MAST4: variants seen among roughly 807,000 people sequenced by gnomAD.
MAST4 encodes the protein microtubule-associated serine/threonine-protein kinase 4.
In MAST4, 89 loss-of-function variants were observed where a neutral mutation model predicts 162.7. That is an observed-to-expected ratio of 0.55 (90% CI 0.46 to 0.65). The LOEUF (loss-of-function observed/expected upper bound fraction) is 0.65, where lower values mean the gene tolerates loss of function less well. MAST4 is among the 30% of genes least tolerant of loss of function. The probability of loss-of-function intolerance (pLI) is 0.00; values close to 1 mark genes in which losing one functional copy is unlikely to be tolerated. For synonymous variants in MAST4, 1,479 were observed against 1,361.1 expected, an observed-to-expected ratio of 1.09 and a Z score of -1.91; for missense variants, 3,153 against 3,374.0, an observed-to-expected ratio of 0.93 and a Z score of 1.62.
intron 4 of MAST4, among the ~76,000 whole-genome samples, chr5:66,906,266 TATC>T (rs1342627333): frequency 6.6e-6 from 1 of 152,222 alleles, no homozygotes; most frequent in African/African-American, 2.4e-5. Context: ...CCTCTCTTCT[TATC>T]ATGGCCTGAA....
At chr5:67,104,685 G>C in intron 10 of MAST4, 110 bp downstream of exon 10, 12 of 508,592 alleles carry the variant, frequency 2.4e-5, no homozygotes, top group South Asian at 4.3e-5. Flanking sequence ...TTCCAGAGAA[G>C]CAAAAAAGAA....
intron 4 of MAST4, among the ~76,000 whole-genome samples, chr5:67,014,961 A>G (rs532382803): frequency 9.8e-5 from 15 of 152,286 alleles, no homozygotes; most frequent in African/African-American, 3.6e-4. Context: ...GGTCAAAGAG[A>G]ACAGATACTG....
chr5:66,820,478 A>G (rs192258144), intron 3 of MAST4, among the ~76,000 whole-genome samples: 66 of 152,336 alleles, frequency 4.3e-4, no homozygotes, highest in African/African-American at 1.4e-3. Context: ...TTTGCTAAAT[A>G]TTAGTTCATG....
At chr5:66,938,200 T>C (rs1580941356) in intron 4 of MAST4, among the ~76,000 whole-genome samples, 1 of 152,186 alleles carries the variant, frequency 6.6e-6, no homozygotes, top group Non-Finnish European at 1.5e-5. Flanking sequence ...TACATAATGA[T>C]TATGGTAGAT....
chr5:66,695,811 A>G (rs1484257259), intron 1 of MAST4, among the ~76,000 whole-genome samples: 1 of 152,230 alleles, frequency 6.6e-6, no homozygotes, highest in Non-Finnish European at 1.5e-5. Flanking sequence ...TCGAAGACCT[A>G]GAACCAGAAA....
At chr5:66,633,807 G>A (rs1744933905) in intron 1 of MAST4, among the ~76,000 whole-genome samples, 1 of 152,144 alleles carries the variant, frequency 6.6e-6, no homozygotes, top group South Asian at 2.1e-4. Context: ...TGCTGGACCA[G>A]TTCAGCCTAC....
intron 1 of MAST4, among the ~76,000 whole-genome samples, chr5:66,702,585 C>G (rs531838049): frequency 6.6e-6 from 1 of 152,186 alleles, no homozygotes; most frequent in Non-Finnish European, 1.5e-5. Flanking sequence ...AGACAGCCAA[C>G]TTTTAAGGGA....
intron 1 of MAST4, among the ~76,000 whole-genome samples, chr5:66,655,550 G>T (rs4613647): frequency 0.069 from 10,507 of 152,168 alleles, 424 homozygotes; most frequent in Admixed American, 0.11. Context: ...AGTTTCTTTG[G>T]CAGGAAACCA....
intron 21 of MAST4, among the ~76,000 whole-genome samples, 188 bp from the exon 22 acceptor site, chr5:67,144,480 AC>A (rs1770807776): frequency 1.6e-5 from 2 of 124,060 alleles, no homozygotes; most frequent in Non-Finnish European, 3.7e-5. Flanking sequence ...ACACACACAC[AC>A]ACACACTCAC....
intron 4 of MAST4, among the ~76,000 whole-genome samples, chr5:66,909,157 CCATGAAGAGGTGTGAA>C (rs1763577283): frequency 6.6e-6 from 1 of 152,130 alleles, no homozygotes; most frequent in Admixed American, 6.5e-5. Flanking sequence ...TGTTCCATTT[CCATGAAGAGGTGTGAA>C]AGGGGCAGTT....
chr5:67,167,167 T>G lies in MAST4; in HGVS notation c.*116T>G, dbSNP rs1774150955. On this transcript the variant is annotated 3_prime_UTR_variant, in exon 29 of 29. Coordinates refer to ENST00000403625, the MANE Select transcript of MAST4 (RefSeq NM_001164664.2). ...TGTCCGCCAGGCAGAGCTCGGAGCCTCATTGAGACAGGGGAGAGAGAAAGA... is the reference window on the plus strand; with the variant it reads ...TGTCCGCCAGGCAGAGCTCGGAGCCGCATTGAGACAGGGGAGAGAGAAAGA... 3.7e-6 allele frequency: 3 copies of G among 821,298 alleles called. No individual in the cohort carries two copies. The highest frequency in any genetic ancestry group is 3.4e-6 in the Non-Finnish European group (2 of 585,394). The allele number at this position is 821,298 out of a possible 1,614,324, so 50.9% of individuals were successfully genotyped here. A position where few individuals can be genotyped will look rare whatever the true frequency, so the allele number is the denominator to read the frequency against.
At chr5:66,640,550 C>T (rs190302209) in intron 1 of MAST4, among the ~76,000 whole-genome samples, 1 of 152,262 alleles carries the variant, frequency 6.6e-6, no homozygotes, top group East Asian at 1.9e-4. Flanking sequence ...CCTTGTGATC[C>T]GCCTGCCTCG....
In MAST4 at chr5:66,845,120, T is replaced by C. The variant is rs1233876038; in HGVS notation, c.643-54831T>C. Among the ~76,000 whole-genome samples the C allele has an allele frequency of 4.3e-3, 535 of 125,124 alleles. 1 individual carries two copies. The highest frequency in any genetic ancestry group is 0.014 in the African/African-American group (425 of 30,056). The allele number at this position is 125,124 out of a possible 152,430, so 82.1% of individuals were successfully genotyped here. On this transcript the variant is annotated intron_variant, in intron 3 of 28. Transcript: ENST00000403625. ...ATATATATATATATATATATATATATATATATACACACACACACTTGAAGT... is the reference window on the plus strand; with the variant it reads ...ATATATATATATATATATATATATACATATATACACACACACACTTGAAGT...
At position 66,708,881 on chromosome 5, in the gene MAST4, C is replaced by G. The variant is rs145879457; in HGVS notation, c.364-50828C>G. On this transcript the variant is annotated intron_variant, in intron 1 of 28. Coordinates refer to ENST00000403625, the MANE Select transcript of MAST4 (RefSeq NM_001164664.2). Reference sequence around the variant, plus strand: ...GATCGGGGAAAAAAAGCATTAAATGCTAAAATTCCTTAATAATGGGCAAAT... The same window carrying G: ...GATCGGGGAAAAAAAGCATTAAATGGTAAAATTCCTTAATAATGGGCAAAT... Among the ~76,000 whole-genome samples the G allele has an allele frequency of 3.9e-4, 60 of 152,198 alleles. No homozygotes were observed. In the East Asian group the frequency reaches 9.5e-3, roughly 24 times the overall value.
intron 4 of MAST4, among the ~76,000 whole-genome samples, chr5:66,931,987 G>A (rs995536077): frequency 2.6e-5 from 4 of 152,130 alleles, no homozygotes; most frequent in Non-Finnish European, 5.9e-5. Context: ...ATGGTATGAA[G>A]TATATCTTCA....
chr5:66,827,963 G>A (rs888621354), intron 3 of MAST4, among the ~76,000 whole-genome samples: 2 of 152,148 alleles, frequency 1.3e-5, no homozygotes, highest in Non-Finnish European at 2.9e-5. Flanking sequence ...GAGGATGAAC[G>A]GAGTAAACAA....
chr5:66,812,784 G>A (rs1442616542), intron 3 of MAST4, among the ~76,000 whole-genome samples: 3 of 152,166 alleles, frequency 2.0e-5, no homozygotes, highest in African/African-American at 7.2e-5. Context: ...GGTTTTGGGA[G>A]CTGGTGCTCT....
chr5:66,943,594 C>G (rs979126589), intron 4 of MAST4, among the ~76,000 whole-genome samples: 1 of 152,040 alleles, frequency 6.6e-6, no homozygotes, highest in Non-Finnish European at 1.5e-5. Flanking sequence ...TTTAATGGAA[C>G]AGCTTGGTGA....
intron 3 of MAST4, among the ~76,000 whole-genome samples, chr5:66,805,534 C>A (rs1219639897): frequency 6.6e-6 from 1 of 152,088 alleles, no homozygotes; most frequent in Non-Finnish European, 1.5e-5. Context: ...AAAAATCATC[C>A]CTTGTGAAAA....
Sources: allele counts gnomAD v4.1 joint callset (sites outside exome capture counted in the v4.1 genomes callset), GRCh38; gene constraint gnomAD v4.1.1; transcripts MANE v1.5; gene names NCBI Gene and HGNC (gene_info 2026-07-23, HGNC 2026-07-21).